RALYL: variants seen among roughly 807,000 people sequenced by gnomAD.
RALYL encodes the protein RALY RNA binding protein like, also known as RNA-binding Raly-like protein.
In RALYL, 29 loss-of-function variants were observed where a neutral mutation model predicts 35.1. The ratio of observed to expected loss-of-function variants is 0.83; its 90% CI spans 0.61 to 1.13. RALYL has a LOEUF of 1.13. Ranked by LOEUF, RALYL falls within the 50% of genes most tolerant of loss-of-function variation. The pLI is 0.00. For missense variants in RALYL, 359 were observed against 360.4 expected, an observed-to-expected ratio of 1.00 and a Z score of 0.03; for synonymous variants, 120 against 127.6, an observed-to-expected ratio of 0.94 and a Z score of 0.40.
chr8:84,766,720 CAAAAAAAAAAAAA>C lies in RALYL; in HGVS notation c.257-7843_257-7831del, dbSNP rs751821694. Reference sequence around the variant, plus strand: ...GCCTGGCGACAGAGTGAGACTGTCTCAAAAAAAAAAAAAAAAAAAAAAAAAAAACTCCCAAAAC... The same window carrying C: ...GCCTGGCGACAGAGTGAGACTGTCTCAAAAAAAAAAAAAAACTCCCAAAAC... On this transcript the variant is annotated intron_variant, in intron 2 of 8. Coordinates refer to ENST00000521268, the MANE Select transcript of RALYL (RefSeq NM_173848.7). Among the ~76,000 whole-genome samples the C allele has an allele frequency of 3.3e-4, 6 of 18,018 alleles. No homozygotes were observed. In the Admixed American group the frequency reaches 3.6e-3, roughly 11 times the overall value. 11.8% of individuals were successfully genotyped at this position (18,018 alleles called of 152,430 possible). A position where few individuals can be genotyped will look rare whatever the true frequency, so the allele number is the denominator to read the frequency against.
intron 1 of RALYL, among the ~76,000 whole-genome samples, chr8:84,235,009 C>T (rs954569911): frequency 1.5e-4 from 23 of 152,042 alleles, no homozygotes; most frequent in Middle Eastern, 3.4e-3. Flanking sequence ...GTGATCTGCC[C>T]GCCTCAGCCT....
At chr8:84,739,048 A>C (rs1847825737) in intron 2 of RALYL, among the ~76,000 whole-genome samples, 1 of 152,058 alleles carries the variant, frequency 6.6e-6, no homozygotes, top group African/African-American at 2.4e-5. Flanking sequence ...AAAATCTAAA[A>C]TAAGATAATG....
At chr8:84,685,406 C>T (rs1387880779) in intron 2 of RALYL, among the ~76,000 whole-genome samples, 1 of 152,080 alleles carries the variant, frequency 6.6e-6, no homozygotes, top group African/African-American at 2.4e-5. Context: ...TTACCCAACC[C>T]CCACCATCGT....
intron 2 of RALYL, among the ~76,000 whole-genome samples, chr8:84,742,433 G>C (rs1000281418): frequency 2.0e-5 from 3 of 151,914 alleles, no homozygotes; most frequent in Non-Finnish European, 4.4e-5. Context: ...TATAATCATG[G>C]AAGTTAGTTG....
In RALYL at chr8:84,571,159, G is replaced by C. The variant is rs544978644; in HGVS notation, c.256+41582G>C. 8.0e-4 allele frequency among the ~76,000 whole-genome samples: 121 copies of C among 151,740 alleles called. 1 individual carries two copies. The highest frequency in any genetic ancestry group is 2.6e-3 in the African/African-American group (107 of 41,450). On this transcript the variant is annotated intron_variant, in intron 2 of 8. Coordinates refer to ENST00000521268, the MANE Select transcript of RALYL (RefSeq NM_173848.7). ...ATATTGATTTCTTAGAATAAGCTAGGGAGGAATCCTTCCCCCTTGATATTT... is the reference window on the plus strand; with the variant it reads ...ATATTGATTTCTTAGAATAAGCTAGCGAGGAATCCTTCCCCCTTGATATTT...
rs537416143 is a variant in RALYL, at chr8:84,390,309, T to A, written c.-23-138990T>A. Among the ~76,000 whole-genome samples the A allele has an allele frequency of 1.1e-4, 17 of 152,254 alleles. 2 individuals are homozygous for A. The South Asian group carries it at 3.3e-3, about 30-fold the overall frequency. On this transcript the variant is annotated intron_variant, in intron 1 of 8. Transcript: ENST00000521268. ...GATATTGGTCCAAAATTCTCTTTTTTGGTTGTGTCTCTGCCTGACTTTGGT... is the reference window on the plus strand; with the variant it reads ...GATATTGGTCCAAAATTCTCTTTTTAGGTTGTGTCTCTGCCTGACTTTGGT...
At chr8:84,512,730 T>G (rs1463002087) in intron 1 of RALYL, among the ~76,000 whole-genome samples, 1 of 152,216 alleles carries the variant, frequency 6.6e-6, no homozygotes, top group Non-Finnish European at 1.5e-5. Flanking sequence ...GGGTCTAGTT[T>G]CATACTTCTG....
chr8:84,820,640 C>T (rs1415354810), intron 4 of RALYL, among the ~76,000 whole-genome samples: 1 of 152,034 alleles, frequency 6.6e-6, no homozygotes, highest in Non-Finnish European at 1.5e-5. Flanking sequence ...CACCTATCAA[C>T]CTGTCATCTA....
chr8:84,282,604 A>C (rs1421052855), intron 1 of RALYL, among the ~76,000 whole-genome samples: 1 of 151,842 alleles, frequency 6.6e-6, no homozygotes, highest in Non-Finnish European at 1.5e-5. Flanking sequence ...CTGTTTATTC[A>C]TTTGTTCTGC....
intron 1 of RALYL, among the ~76,000 whole-genome samples, chr8:84,440,537 A>G (rs1045920740): frequency 3.3e-5 from 5 of 152,094 alleles, no homozygotes; most frequent in Non-Finnish European, 2.9e-5. Flanking sequence ...GTCCCAGCCC[A>G]TAGTAATGAC....
intron 2 of RALYL, among the ~76,000 whole-genome samples, chr8:84,759,791 A>G (rs1366063508): frequency 1.3e-5 from 2 of 152,172 alleles, no homozygotes; most frequent in East Asian, 1.9e-4. Flanking sequence ...CTGTTGTCCA[A>G]AATCTACTGT....
intron 1 of RALYL, among the ~76,000 whole-genome samples, chr8:84,364,918 T>G (rs922191433): frequency 2.0e-5 from 3 of 152,166 alleles, no homozygotes; most frequent in Non-Finnish European, 2.9e-5. Context: ...AGTTTAGAGA[T>G]AGTTATTTTC....
intron 2 of RALYL, among the ~76,000 whole-genome samples, chr8:84,608,641 T>C (rs1028349603): frequency 6.6e-6 from 1 of 152,152 alleles, no homozygotes; most frequent in African/African-American, 2.4e-5. Flanking sequence ...TTTTAAACTA[T>C]TAGGATAAAG....
chr8:84,633,285 C>T (rs1283172289), intron 2 of RALYL, among the ~76,000 whole-genome samples: 1 of 151,518 alleles, frequency 6.6e-6, no homozygotes, highest in Non-Finnish European at 1.5e-5. Context: ...GCTGATAACA[C>T]CCAGATAGAG....
intron 7 of RALYL, among the ~76,000 whole-genome samples, chr8:84,878,791 GA>G (rs148988854): frequency 0.028 from 4,188 of 148,076 alleles, 187 homozygotes; most frequent in African/African-American, 0.096. Flanking sequence ...AGAAAATATG[GA>G]AAAAAAAACA....
intron 2 of RALYL, among the ~76,000 whole-genome samples, chr8:84,721,823 G>T (rs1843972791): frequency 6.6e-6 from 1 of 152,028 alleles, no homozygotes. Context: ...TTAAAATTTG[G>T]GGATATGATT....
intron 2 of RALYL, among the ~76,000 whole-genome samples, chr8:84,674,031 G>C (rs544537081): frequency 2.6e-5 from 4 of 151,940 alleles, no homozygotes; most frequent in African/African-American, 9.6e-5. Context: ...TTTTTAATTT[G>C]TGTGATCTCT....
intron 2 of RALYL, among the ~76,000 whole-genome samples, chr8:84,693,428 A>G (rs1232219613): frequency 6.6e-6 from 1 of 151,936 alleles, no homozygotes; most frequent in Non-Finnish European, 1.5e-5. Flanking sequence ...AGAACTCACT[A>G]TCACAAGAAT....
intron 2 of RALYL, among the ~76,000 whole-genome samples, chr8:84,576,005 GTTA>G (rs1564174067): frequency 6.7e-6 from 1 of 148,666 alleles, no homozygotes; most frequent in African/African-American, 2.5e-5. Context: ...TATGAAACAA[GTTA>G]TTATTCTATC....
Sources: gnomAD v4.1 joint callset for allele counts (sites outside exome capture counted in the v4.1 genomes callset) on GRCh38, gnomAD v4.1.1 for gene constraint, MANE v1.5 for transcripts, NCBI Gene and HGNC (gene_info 2026-07-23, HGNC 2026-07-21) for gene names.